The following ZNF585A variants were observed in gnomAD, a reference collection of about 807,000 sequenced individuals.
ZNF585A encodes the protein zinc finger protein 585A.
In ZNF585A, 9 loss-of-function variants were observed where a neutral mutation model predicts 14.9. The observed-to-expected ratio is 0.60, with a 90% CI of 0.36 to 1.05. The LOEUF (loss-of-function observed/expected upper bound fraction) is 1.05. Among genes scored for constraint, ZNF585A ranks in the 50% least tolerant of loss-of-function variants. The pLI is 0.01. For synonymous variants in ZNF585A, 276 were observed against 319.9 expected, an observed-to-expected ratio of 0.86 and a Z score of 1.46; for missense variants, 726 against 926.4, an observed-to-expected ratio of 0.78 and a Z score of 2.81.
intron 1 of ZNF585A, among the ~76,000 whole-genome samples, chr19:37,170,665 G>A (rs1368446578): frequency 6.6e-6 from 1 of 152,114 alleles, no homozygotes; most frequent in African/African-American, 2.4e-5. Flanking sequence ...TGGTAAAGAC[G>A]AGGTTTCACC....
At position 37,151,048 on chromosome 19, in the gene ZNF585A, T is replaced by C. The variant is rs184435091; in HGVS notation, c.*541A>G. ...TTTCTTTTTTTTTTTGTAGCATCTCTTTCTTGATAGAAATACTGAATGAGG... is the reference window on the plus strand; with the variant it reads ...TTTCTTTTTTTTTTTGTAGCATCTCCTTCTTGATAGAAATACTGAATGAGG... On this transcript the variant is annotated 3_prime_UTR_variant, in exon 5 of 5. Transcript: ENST00000292841. 2.2e-3 allele frequency: 598 copies of C among 270,682 alleles called. 4 individuals carry two copies. In the South Asian group the frequency reaches 0.027, roughly 12 times the overall value. 16.8% of individuals were successfully genotyped at this position (270,682 alleles called of 1,614,324 possible).
At chr19:37,154,108 A>T (rs947028606) in intron 4 of ZNF585A, among the ~76,000 whole-genome samples, 1 of 152,364 alleles carries the variant, frequency 6.6e-6, no homozygotes, top group East Asian at 1.9e-4. Context: ...TGACTCATCC[A>T]GGCTGAACAC....
intron 2 of ZNF585A, among the ~76,000 whole-genome samples, chr19:37,161,974 A>G (rs1972020466): frequency 6.6e-6 from 1 of 152,186 alleles, no homozygotes; most frequent in Admixed American, 6.5e-5. Context: ...CCCAGGCTGC[A>G]GTGCAGTGGC....
rs1437814075 is a variant in ZNF585A, at chr19:37,149,431, AT to A, written c.*2157del. On this transcript the variant is annotated 3_prime_UTR_variant, in exon 5 of 5. Transcript: ENST00000292841. Reference sequence around the variant, plus strand: ...AATAATCAAAAGTCATTTACAATAAATTGTTTCCCTTCATGAGGCTTGGGCA... The same window carrying A: ...AATAATCAAAAGTCATTTACAATAAATGTTTCCCTTCATGAGGCTTGGGCA... The A allele has an allele frequency of 1.3e-5, 2 of 152,202 alleles. No homozygotes were observed. The highest frequency in any genetic ancestry group is 4.8e-5 in the African/African-American group (2 of 41,442). 9.4% of individuals were successfully genotyped at this position (152,202 alleles called of 1,614,324 possible).
At chr19:37,155,753 G>A in intron 4 of ZNF585A, 112 bp downstream of exon 4, 1 of 1,208,430 alleles carries the variant, frequency 8.3e-7, no homozygotes, top group South Asian at 1.3e-5. Flanking sequence ...AAAACATTCA[G>A]AACTTTCCAG....
In ZNF585A at chr19:37,146,617, A is replaced by G. The variant is rs935297572; in HGVS notation, c.*4972T>C. 2.3e-4 allele frequency: 35 copies of G among 152,224 alleles called. No homozygotes were observed. The highest frequency in any genetic ancestry group is 8.2e-4 in the African/African-American group (34 of 41,378). 9.4% of individuals were successfully genotyped at this position (152,224 alleles called of 1,614,324 possible). On this transcript the variant is annotated 3_prime_UTR_variant, in exon 5 of 5. Transcript: ENST00000292841. ...ATTCCTCTTGCTCCTGGGGTTCTAT[A>G]TTTTCCAGTGGCTGCTCCAGTGGAG...
intron 1 of ZNF585A, among the ~76,000 whole-genome samples, chr19:37,171,531 G>T (rs1486763581): frequency 6.6e-6 from 1 of 152,190 alleles, no homozygotes; most frequent in East Asian, 1.9e-4. Flanking sequence ...CTGGGAAAAT[G>T]AGTTATTTTA....
rs1363316313 is a variant in ZNF585A at position 37,153,299 on chromosome 19, G to A, written c.600C>T (p.Ser200=). 6.2e-7 allele frequency: 1 copy of A among 1,614,128 alleles called. No individual in the cohort carries two copies. Among genetic ancestry groups the A allele is most frequent in the African/African-American group, 1.3e-5 (1 of 75,024 alleles). ...TATGAATTCTCTGATGCCTGAAGAGGGACGACACTTGAAAAAAGGATTTTC... is the reference window on the plus strand; with the variant it reads ...TATGAATTCTCTGATGCCTGAAGAGAGACGACACTTGAAAAAAGGATTTTC... The part of the protein sequence containing the change: ...ECGKSFFQVS[S]LFRHQRIHTG... The change falls in exon 5 of 5, where the codon TCC becomes TCT. Residue 200 remains serine, a synonymous_variant. Transcript: ENST00000292841.
At position 37,153,439 on chromosome 19, in the gene ZNF585A, C is replaced by T; in HGVS notation, c.460G>A (p.Gly154Arg). 6.2e-7 allele frequency: 1 copy of T among 1,614,190 alleles called. No homozygotes were observed. Among genetic ancestry groups the T allele is most frequent in the Non-Finnish European group, 8.5e-7 (1 of 1,180,032 alleles). ...QLKVHLKVLA[G>R]EKLYVCIECG... ...TCAATGCATACATAGAGCTTTTCTC[C>T]TGCAAGAACTTTCAGGTGTACTTTG... is the stretch of plus-strand genomic sequence containing the variant. Residue 154 changes from glycine (G) to arginine (R), a missense_variant, in exon 5 of 5, where the codon GGA (glycine) becomes AGA (arginine). Around this residue, in one of 2 missense-constraint regions of ZNF585A, gnomAD observed 483 missense variants for 542.8 expected, o/e 0.89. Transcript: ENST00000292841.
rs1397886731 is a variant in ZNF585A, at chr19:37,152,952, T to C, written c.947A>G (p.His316Arg). Residue 316 changes from histidine to arginine, a missense_variant, in exon 5 of 5, where the codon CAT becomes CGT. His to Arg is a conservative substitution (Grantham distance 29, BLOSUM62 0). Around this residue, in one of 2 missense-constraint regions of ZNF585A, gnomAD observed 483 missense variants for 542.8 expected, o/e 0.89. Coordinates refer to ENST00000292841, the MANE Select transcript of ZNF585A (RefSeq NM_001288800.2). ...SFISKSQLQV[H>R]QRVHTRVKPY... ...CTTCACTCTTGTGTGAACACGTTGA[T>C]GTACCTGAAGTTGTGACTTGGAAAT... is the stretch of plus-strand genomic sequence containing the variant. 4.3e-6 allele frequency: 7 copies of C among 1,614,154 alleles called. No individual in the cohort carries two copies. The African/African-American group carries it at 6.7e-5, about 15-fold the overall frequency.
At chr19:37,171,456 T>C (rs1162110678) in intron 1 of ZNF585A, among the ~76,000 whole-genome samples, 1 of 152,196 alleles carries the variant, frequency 6.6e-6, no homozygotes, top group African/African-American at 2.4e-5. Flanking sequence ...AGCAATTAGA[T>C]ATAATTTTCC....
chr19:37,157,402 T>G (rs2054840394), intron 2 of ZNF585A, among the ~76,000 whole-genome samples: 1 of 152,190 alleles, frequency 6.6e-6, no homozygotes, highest in African/African-American at 2.4e-5. Context: ...TGTCCAATCT[T>G]CTAGCAACTT....
At chr19:37,165,479 T>C (rs1972076674) in intron 2 of ZNF585A, 1 of 176,520 alleles carries the variant, frequency 5.7e-6, no homozygotes, top group Non-Finnish European at 1.1e-5. Flanking sequence ...GCTTCTGATA[T>C]ATATATACCA....
chr19:37,163,732 AAAG>A (rs1389738157), intron 2 of ZNF585A, among the ~76,000 whole-genome samples: 2 of 145,922 alleles, frequency 1.4e-5, no homozygotes, highest in East Asian at 1.9e-4. Flanking sequence ...TTAACATCAT[AAAG>A]ATGACACACA....
At chr19:37,154,108 A>C (rs947028606) in intron 4 of ZNF585A, among the ~76,000 whole-genome samples, 1 of 152,246 alleles carries the variant, frequency 6.6e-6, no homozygotes, top group Non-Finnish European at 1.5e-5. Context: ...TGACTCATCC[A>C]GGCTGAACAC....
At chr19:37,155,101 T>C (rs538519660) in intron 4 of ZNF585A, among the ~76,000 whole-genome samples, 88 of 150,150 alleles carry the variant, frequency 5.9e-4, no homozygotes, top group African/African-American at 2.0e-3. Context: ...CCCGGGTTCA[T>C]GCCATTCTCC....
intron 1 of ZNF585A, among the ~76,000 whole-genome samples, chr19:37,171,369 T>C (rs1284832712): frequency 2.0e-5 from 3 of 152,048 alleles, no homozygotes; most frequent in South Asian, 2.1e-4. Flanking sequence ...ACAAAAGATA[T>C]GAAAATTCAC....
At chr19:37,159,679 A>C (rs1408132339) in intron 2 of ZNF585A, among the ~76,000 whole-genome samples, 3 of 152,244 alleles carry the variant, frequency 2.0e-5, no homozygotes, top group African/African-American at 7.2e-5. Flanking sequence ...CAAGTTTACA[A>C]GAATTACAAC....
rs1198348569 is a variant in ZNF585A, at chr19:37,150,819, AC to A, written c.*769del. Reference sequence around the variant, plus strand: ...AGGGAGATTTAAGTTGTCCCAGATGACCATAAAATTCTTACCTCGGAAGCTT... The same window carrying A: ...AGGGAGATTTAAGTTGTCCCAGATGACATAAAATTCTTACCTCGGAAGCTT... On this transcript the variant is annotated 3_prime_UTR_variant, in exon 5 of 5. Coordinates refer to ENST00000292841, the MANE Select transcript of ZNF585A (RefSeq NM_001288800.2). 1 of 154,378 alleles carries A rather than the reference AC, an allele frequency of 6.5e-6. No individual in the cohort carries two copies. Among genetic ancestry groups the A allele is most frequent in the East Asian group, 1.9e-4 (1 of 5,166 alleles). 9.6% of individuals were successfully genotyped at this position (154,378 alleles called of 1,614,324 possible).
Sources: gnomAD v4.1 joint callset for allele counts (sites outside exome capture counted in the v4.1 genomes callset) on GRCh38, gnomAD v4.1.1 for gene constraint, gnomAD v4.1.1 regional missense constraint, MANE v1.5 for transcripts, NCBI Gene and HGNC (gene_info 2026-07-23, HGNC 2026-07-21) for gene names.